Variants in ZDHHC7 observed in about 807,000 individuals in gnomAD.
The protein encoded by ZDHHC7 is palmitoyltransferase ZDHHC7.
Under a neutral mutation model 34.1 loss-of-function variants are expected in ZDHHC7, and 12 were observed. That is an observed-to-expected ratio of 0.35 (90% CI 0.23 to 0.57). The LOEUF is 0.57. ZDHHC7 is among the 20% of genes least tolerant of loss of function. The probability of loss-of-function intolerance (pLI) is 0.84; values close to 1 mark genes in which losing one functional copy is unlikely to be tolerated. For missense variants in ZDHHC7, 388 were observed against 402.7 expected (o/e 0.96, Z 0.31); for synonymous variants, 185 against 155.4 (o/e 1.19, Z -1.42).
chr16:85,015,224 C>G (rs1795839172), upstream of ZDHHC7, among the ~76,000 whole-genome samples: 1 of 151,912 alleles, frequency 6.6e-6, no homozygotes, highest in South Asian at 2.1e-4. Flanking sequence ...CTCAGCCTCC[C>G]AAGTAGCTGG....
intron 3 of ZDHHC7, among the ~76,000 whole-genome samples, chr16:84,985,499 A>T (rs939316287): frequency 5.3e-5 from 8 of 152,214 alleles, no homozygotes; most frequent in Non-Finnish European, 1.0e-4. Flanking sequence ...AGGGATGTAA[A>T]CTGCAAACAA....
the ZDHHC7 span, among the ~76,000 whole-genome samples, chr16:85,023,768 G>A: frequency 4.0e-5 from 6 of 151,756 alleles, no homozygotes; most frequent in Non-Finnish European, 8.8e-5. Context: ...ACAGGCATGC[G>A]CCACCATGCC....
intron 1 of ZDHHC7, among the ~76,000 whole-genome samples, chr16:85,010,020 T>C (rs2072770022): frequency 6.7e-6 from 1 of 150,206 alleles, no homozygotes; most frequent in South Asian, 2.1e-4. Context: ...GTTCTGACTT[T>C]TAACAAGCGA....
chr16:85,010,247 C>A (rs531230096), intron 1 of ZDHHC7, among the ~76,000 whole-genome samples: 27 of 151,906 alleles, frequency 1.8e-4, no homozygotes, highest in Non-Finnish European at 3.1e-4. Flanking sequence ...CTCTCCAACT[C>A]CTGGGCTCAA....
chr16:84,999,410 G>C (rs924933768), intron 1 of ZDHHC7, among the ~76,000 whole-genome samples: 7 of 152,102 alleles, frequency 4.6e-5, no homozygotes, highest in South Asian at 4.1e-4. Flanking sequence ...ACAAAAACTT[G>C]TCCGATACTG....
rs202171602 is a variant in ZDHHC7 at position 84,976,379 on chromosome 16, C to G, written c.891G>C (p.Thr297=). ...ACTCCGGGCCACCTTTTCTGGGTCT[C>G]GTGGGCAGTCGCCTAAATCGGAAGC... ...FVGFRFRRLP[T]RPRKGGPEFS... Residue 297 remains threonine, a synonymous_variant, in exon 8 of 8, where the codon ACG becomes ACC. Transcript: ENST00000313732. The G allele has an allele frequency of 6.2e-7, 1 of 1,614,122 alleles. No homozygotes were observed. The highest frequency in any genetic ancestry group is 2.2e-5 in the East Asian group (1 of 44,874).
chr16:85,005,059 C>G (rs1206480512), intron 1 of ZDHHC7: 3 of 152,188 alleles, frequency 2.0e-5, no homozygotes, highest in Non-Finnish European at 4.4e-5. Flanking sequence ...GAGCCACAAC[C>G]TAACTTTGAC....
chr16:84,979,922 C>A (rs1434384098), intron 4 of ZDHHC7, among the ~76,000 whole-genome samples: 7 of 150,210 alleles, frequency 4.7e-5, no homozygotes, highest in Admixed American at 3.3e-4. Flanking sequence ...AGGTTCGCTG[C>A]AGGCAGACTT....
In ZDHHC7 at chr16:84,975,717, A is replaced by C. The variant is rs2072286522; in HGVS notation, c.*626T>G. 1 of 152,818 alleles carries C rather than the reference A, an allele frequency of 6.5e-6. No homozygotes were observed. The allele number at this position is 152,818 out of a possible 1,614,324, so 9.5% of individuals were successfully genotyped here. The stretch of plus-strand genomic sequence containing the variant: ...AACAACACTGGCAATTTTGACACAC[A>C]TGCACACACGCGCGCACACGCACAG... On this transcript the variant is annotated 3_prime_UTR_variant, in exon 8 of 8. Coordinates refer to ENST00000313732, the MANE Select transcript of ZDHHC7 (RefSeq NM_017740.3).
chr16:85,020,621 G>T, the ZDHHC7 span, among the ~76,000 whole-genome samples: 1 of 152,136 alleles, frequency 6.6e-6, no homozygotes, highest in African/African-American at 2.4e-5. Flanking sequence ...TCCTACAGTA[G>T]AAAGGAGCAT....
At chr16:85,024,523 G>C in the ZDHHC7 span, among the ~76,000 whole-genome samples, 1 of 152,202 alleles carries the variant, frequency 6.6e-6, no homozygotes, top group African/African-American at 2.4e-5. Flanking sequence ...GAGCCACGGT[G>C]CCCGGACAGA....
chr16:85,018,432 A>C, the ZDHHC7 span, among the ~76,000 whole-genome samples: 2 of 149,770 alleles, frequency 1.3e-5, no homozygotes, highest in Non-Finnish European at 3.0e-5. Flanking sequence ...TCATTCAGTT[A>C]TGTACACTTA....
the ZDHHC7 span, among the ~76,000 whole-genome samples, chr16:85,026,658 C>G: frequency 3.3e-5 from 5 of 151,360 alleles, no homozygotes; most frequent in African/African-American, 1.2e-4. Context: ...CATATGTCAT[C>G]TTTTCTCTTA....
chr16:84,997,376 C>G (rs1025032502), intron 1 of ZDHHC7, among the ~76,000 whole-genome samples: 1 of 148,838 alleles, frequency 6.7e-6, no homozygotes, highest in Non-Finnish European at 1.5e-5. Flanking sequence ...TCACGCCATT[C>G]TCCTGCCTCA....
At chr16:84,988,582 G>A (rs982754091) in intron 3 of ZDHHC7, among the ~76,000 whole-genome samples, 1 of 152,170 alleles carries the variant, frequency 6.6e-6, no homozygotes, top group African/African-American at 2.4e-5. Context: ...AGCTCTCCAG[G>A]CTTCTGGGGC....
At chr16:85,004,567 A>G (rs1346681684) in intron 1 of ZDHHC7, among the ~76,000 whole-genome samples, 1 of 149,194 alleles carries the variant, frequency 6.7e-6, no homozygotes, top group African/African-American at 2.5e-5. Flanking sequence ...CATGGCCTAG[A>G]AAGCCCCACT....
In ZDHHC7 at chr16:84,974,762, C is replaced by G. The variant is rs1251608138; in HGVS notation, c.*1581G>C. 1 of 152,726 alleles carries G rather than the reference C, an allele frequency of 6.5e-6. No individual in the cohort carries two copies. Among genetic ancestry groups the G allele is most frequent in the Non-Finnish European group, 1.5e-5 (1 of 68,076 alleles). 9.5% of individuals were successfully genotyped at this position (152,726 alleles called of 1,614,324 possible). On this transcript the variant is annotated 3_prime_UTR_variant, in exon 8 of 8. Coordinates refer to ENST00000313732, the MANE Select transcript of ZDHHC7 (RefSeq NM_017740.3). Reference sequence around the variant, plus strand: ...TGACGCAGCTCTTCCCCCAACGGCGCACACGCTTCTGCGGTGACCAAGTCC... The same window carrying G: ...TGACGCAGCTCTTCCCCCAACGGCGGACACGCTTCTGCGGTGACCAAGTCC...
upstream of ZDHHC7, among the ~76,000 whole-genome samples, chr16:85,015,321 G>A (rs71386883): frequency 0.044 from 6,691 of 151,936 alleles, 209 homozygotes; most frequent in Middle Eastern, 0.082. Context: ...GGCTGGTCTC[G>A]AACTCCTGAC....
Position 85,008,838 on chromosome 16 carries a change from G to A in ZDHHC7, c.-104+2448C>T, listed in dbSNP as rs146889060. On this transcript the variant is annotated intron_variant, in intron 1 of 7. Coordinates refer to ENST00000313732, the MANE Select transcript of ZDHHC7 (RefSeq NM_017740.3). ...AGGCAGGCGGATCACCAGAGGTCAG[G>A]AGTTGGAGACCAGCCTGACCAACAT... 5.7e-3 allele frequency among the ~76,000 whole-genome samples: 869 copies of A among 151,952 alleles called. 18 individuals carry two copies. Among genetic ancestry groups the A allele is most frequent in the African/African-American group, 0.02 (838 of 41,336 alleles).
Sources: gnomAD v4.1 joint callset for allele counts (sites outside exome capture counted in the v4.1 genomes callset) on GRCh38, gnomAD v4.1.1 for gene constraint, MANE v1.5 for transcripts, NCBI Gene and HGNC (gene_info 2026-07-23, HGNC 2026-07-21) for gene names.